ZNF567: variants seen among roughly 807,000 people sequenced by gnomAD.
The protein encoded by ZNF567 is zinc finger protein 567.
ZNF567 carries 36 observed loss-of-function variants against 53.9 expected under a neutral mutation model. The ratio of observed to expected loss-of-function variants is 0.67; its 90% CI spans 0.51 to 0.88. The LOEUF is 0.88. ZNF567 is among the 40% of genes least tolerant of loss of function. ZNF567 has a pLI of 0.00. For synonymous variants in ZNF567, 224 were observed against 260.4 expected (o/e 0.86, Z 1.35); for missense variants, 619 against 764.7 (o/e 0.81, Z 2.25).
At chr19:36,678,789 A>G in the ZNF567 span, among the ~76,000 whole-genome samples, 2 of 151,522 alleles carry the variant, frequency 1.3e-5, no homozygotes, top group Non-Finnish European at 2.9e-5. Flanking sequence ...GCTTGCAGTG[A>G]GCCGAGATCG....
chr19:36,714,566 A>G, intron 5 of ZNF567: 1 of 396,736 alleles, frequency 2.5e-6, no homozygotes, highest in Non-Finnish European at 4.4e-6. Flanking sequence ...CCTTTCCTTC[A>G]TACCACCTCG....
chr19:36,695,731 A>T (rs11668432), intron 3 of ZNF567, among the ~76,000 whole-genome samples: 2 of 151,994 alleles, frequency 1.3e-5, no homozygotes, highest in South Asian at 4.1e-4. Flanking sequence ...ATCATTCACC[A>T]TCTCCTCTCT....
chr19:36,693,501 C>T (rs1600500314), intron 2 of ZNF567, among the ~76,000 whole-genome samples: 1 of 152,136 alleles, frequency 6.6e-6, no homozygotes, highest in South Asian at 2.1e-4. Flanking sequence ...GACAGGAAGA[C>T]ACAACATGAT....
chr19:36,668,710 A>G, the ZNF567 span: 2 of 152,184 alleles, frequency 1.3e-5, no homozygotes, highest in Admixed American at 6.5e-5. Flanking sequence ...GATCCATGGT[A>G]AGGATTTTTA....
chr19:36,726,031 C>T (rs910792872), downstream of ZNF567, among the ~76,000 whole-genome samples: 2 of 152,148 alleles, frequency 1.3e-5, no homozygotes, highest in Non-Finnish European at 2.9e-5. Flanking sequence ...TTGTTCTGTA[C>T]TGCAGTTCAC....
At chr19:36,707,273 A>T (rs1301263307) in intron 3 of ZNF567, among the ~76,000 whole-genome samples, 2 of 152,092 alleles carry the variant, frequency 1.3e-5, no homozygotes, top group African/African-American at 2.4e-5. Flanking sequence ...TCTAGGCCAG[A>T]GGTTGGCAAA....
intron 3 of ZNF567, among the ~76,000 whole-genome samples, chr19:36,704,821 A>G (rs2039410334): frequency 6.6e-6 from 1 of 152,196 alleles, no homozygotes; most frequent in Non-Finnish European, 1.5e-5. Flanking sequence ...GAAGCCATCT[A>G]TCTGACTTGG....
intron 3 of ZNF567, among the ~76,000 whole-genome samples, chr19:36,703,901 G>A (rs1019897562): frequency 2.0e-5 from 3 of 152,134 alleles, no homozygotes; most frequent in African/African-American, 7.2e-5. Context: ...GCAATGCCTC[G>A]CCCTGCTTCG....
At chr19:36,697,604 A>AT (rs912661889) in intron 3 of ZNF567, among the ~76,000 whole-genome samples, 21 of 147,496 alleles carry the variant, frequency 1.4e-4, no homozygotes, top group Middle Eastern at 3.5e-3. Context: ...TAGGATTAGG[A>AT]TTTTTTTTTC....
At chr19:36,697,866 T>G (rs1181400723) in intron 3 of ZNF567, among the ~76,000 whole-genome samples, 1 of 151,866 alleles carries the variant, frequency 6.6e-6, no homozygotes, top group Non-Finnish European at 1.5e-5. Context: ...CTGCCTTGGC[T>G]TCCCCAAGTA....
chr19:36,687,572 A>T (rs2038309906), upstream of ZNF567: 1 of 152,286 alleles, frequency 6.6e-6, no homozygotes, highest in Non-Finnish European at 1.5e-5. Flanking sequence ...CGCCGCGGAG[A>T]CACCTGGGAG....
chr19:36,712,877 T>C lies in ZNF567; in HGVS notation c.223+10T>C, dbSNP rs2039861651. On this transcript the variant is annotated intron_variant, in intron 5 of 5. Coordinates refer to ENST00000682579, the MANE Select transcript of ZNF567 (RefSeq NM_001322917.1). ...GGTCATACCTGCTTGGGTGAGTTTC[T>C]GGCTCTTAGGCAGACACAGTCTAGC... 1.2e-6 allele frequency: 2 copies of C among 1,610,344 alleles called. No individual in the cohort carries two copies. The highest frequency in any genetic ancestry group is 1.7e-6 in the Non-Finnish European group (2 of 1,177,402).
At chr19:36,712,556 C>T in intron 4 of ZNF567, 44 bp downstream of exon 4, 2 of 1,610,446 alleles carry the variant, frequency 1.2e-6, no homozygotes, top group East Asian at 2.2e-5. Context: ...TGCACTTCCT[C>T]TCAAAGTGCC....
the ZNF567 span, among the ~76,000 whole-genome samples, chr19:36,671,315 T>C: frequency 1.3e-5 from 2 of 152,136 alleles, no homozygotes; most frequent in African/African-American, 4.8e-5. Flanking sequence ...TGGAGCATGG[T>C]GAGATATCCC....
chr19:36,675,309 G>A, the ZNF567 span, among the ~76,000 whole-genome samples: 41 of 152,308 alleles, frequency 2.7e-4, no homozygotes, highest in Non-Finnish European at 5.0e-4. Context: ...GGAGGCTGAA[G>A]CAGGAGGATT....
intron 3 of ZNF567, among the ~76,000 whole-genome samples, chr19:36,702,032 A>C (rs1020540627): frequency 3.3e-5 from 5 of 151,486 alleles, no homozygotes; most frequent in African/African-American, 1.2e-4. Context: ...TGGTCTTTAC[A>C]TTTTGGCATG....
downstream of ZNF567, among the ~76,000 whole-genome samples, chr19:36,721,844 A>G (rs2040308005): frequency 6.9e-6 from 1 of 145,032 alleles, no homozygotes; most frequent in African/African-American, 2.6e-5. Context: ...TCCTGGGTTC[A>G]AGTGCTTCTC....
chr19:36,724,004 C>CTTT (rs536627641), downstream of ZNF567, among the ~76,000 whole-genome samples: 7 of 98,370 alleles, frequency 7.1e-5, no homozygotes, highest in African/African-American at 1.2e-4. Context: ...TTCTGTATTT[C>CTTT]TTTTTTTTTT....
At chr19:36,717,235 A>G (rs1019753279) in intron 5 of ZNF567, among the ~76,000 whole-genome samples, 3 of 152,190 alleles carry the variant, frequency 2.0e-5, no homozygotes, top group African/African-American at 7.2e-5. Flanking sequence ...GGTTGTTAAA[A>G]GATTTGTTAA....
Sources: gnomAD v4.1 joint callset for allele counts (sites outside exome capture counted in the v4.1 genomes callset) on GRCh38, gnomAD v4.1.1 for gene constraint, MANE v1.5 for transcripts, NCBI Gene and HGNC (gene_info 2026-07-23, HGNC 2026-07-21) for gene names.